POM121: variants seen among roughly 807,000 people sequenced by gnomAD.
The protein encoded by POM121 is nuclear envelope pore membrane protein POM 121.
In POM121, 32 loss-of-function variants were observed where a neutral mutation model predicts 81.3. The observed-to-expected ratio is 0.39, with a 90% CI of 0.30 to 0.53. The LOEUF is 0.53. Among genes scored for constraint, POM121 ranks in the 20% least tolerant of loss-of-function variants. POM121 has a pLI of 0.66. For missense variants in POM121, 1,138 were observed against 1,614.6 expected (o/e 0.70, Z 5.06); for synonymous variants, 514 against 694.2 (o/e 0.74, Z 4.08).
chr7:72,939,752 A>G (rs1796878653), intron 7 of POM121, 95 bp from the exon 8 acceptor site: 4 of 1,609,966 alleles, frequency 2.5e-6, no homozygotes, highest in Admixed American at 1.7e-5. Flanking sequence ...AGAGATACCC[A>G]TTGAAAACTC....
At chr7:72,918,047 T>G (rs1303877010) in intron 4 of POM121, among the ~76,000 whole-genome samples, 2 of 152,160 alleles carry the variant, frequency 1.3e-5, no homozygotes, top group Admixed American at 6.5e-5. Context: ...TTTTAGTACT[T>G]TCACTAATTT....
chr7:72,938,648 C>T lies in POM121; in HGVS notation c.1334C>T (p.Ser445Phe), dbSNP rs781843163. 5.6e-6 allele frequency: 9 copies of T among 1,613,746 alleles called. No individual in the cohort carries two copies. The Admixed American group carries it at 1.3e-4, about 24-fold the overall frequency. Residue 445 changes from serine (S) to phenylalanine (F), a missense_variant, in exon 6 of 13, where the codon TCC becomes TTC. Physicochemically the swap from Ser to Phe is radical, Grantham distance 155 (BLOSUM62 -2). Coordinates refer to ENST00000434423, the MANE Select transcript of POM121 (RefSeq NM_001387691.1). ...SPFSSPASSR[S>F]QTPERPAKKI... Reference sequence around the variant, plus strand: ...TTCTCTAGCCCAGCCTCCTCCCGCTCCCAGACACCGGAGAGGCCAGCAAAG... The same window carrying T: ...TTCTCTAGCCCAGCCTCCTCCCGCTTCCAGACACCGGAGAGGCCAGCAAAG...
Position 72,943,166 on chromosome 7 carries a change from G to C in POM121, c.3173G>C (p.Gly1058Ala), listed in dbSNP as rs781928098. ...CCCGCCAGCTCACAGCCCGCCTTTG[G>C]CGGCTCCACTGCTGTCTTCTTCGGT... is the stretch of plus-strand genomic sequence containing the variant. ...GAPASSQPAF[G>A]GSTAVFFGAA... Residue 1058 changes from glycine (G) to alanine (A), a missense_variant, in exon 11 of 13, where the codon GGC (glycine) becomes GCC (alanine). Around this residue, in one of 7 missense-constraint regions of POM121, gnomAD observed 336 missense variants for 344.3 expected, o/e 0.98. Transcript: ENST00000434423. 1.9e-6 allele frequency: 3 copies of C among 1,613,428 alleles called. No individual in the cohort carries two copies. Among genetic ancestry groups the C allele is most frequent in the Admixed American group, 3.3e-5 (2 of 60,008 alleles).
At chr7:72,888,160 G>A (rs528040145) in intron 1 of POM121, among the ~76,000 whole-genome samples, 68 of 152,184 alleles carry the variant, frequency 4.5e-4, no homozygotes, top group African/African-American at 1.6e-3. Flanking sequence ...CACCACACCT[G>A]GCCTGGATCC....
Position 72,943,266 on chromosome 7 carries a change from C to T in POM121, c.3273C>T (p.Ser1091=). The T allele has an allele frequency of 1.2e-6, 2 of 1,610,846 alleles. No homozygotes were observed. Among genetic ancestry groups the T allele is most frequent in the South Asian group, 1.1e-5 (1 of 90,774 alleles). Residue 1091 remains serine (S), a synonymous_variant, in exon 11 of 13, where the codon AGC becomes AGT. Transcript: ENST00000434423. ...GGAGCAGCAGCTCGGTGTTTGGCAGCACAACACCATCACCCTTCACGTTTG... is the reference window on the plus strand; with the variant it reads ...GGAGCAGCAGCTCGGTGTTTGGCAGTACAACACCATCACCCTTCACGTTTG... The part of the protein sequence containing the change: ...SSGSSSSVFG[S]TTPSPFTFGG...
At chr7:72,886,683 T>C (rs1446263703) in intron 1 of POM121, among the ~76,000 whole-genome samples, 7 of 152,138 alleles carry the variant, frequency 4.6e-5, no homozygotes, top group South Asian at 4.1e-4. Context: ...AAGGTGTTTT[T>C]GCTGGATTTT....
chr7:72,949,984 C>G, downstream of POM121: 1 of 1,597,848 alleles, frequency 6.3e-7, no homozygotes, highest in Non-Finnish European at 8.6e-7. Flanking sequence ...ACACAGGGGC[C>G]GGGTAAACAG....
chr7:72,888,103 A>G (rs1315579665), intron 1 of POM121, among the ~76,000 whole-genome samples: 2 of 152,076 alleles, frequency 1.3e-5, no homozygotes, highest in East Asian at 1.9e-4. Flanking sequence ...GCCTCAAGCA[A>G]TCCTTCTGCC....
At chr7:72,930,903 CT>C (rs1795954168) in intron 5 of POM121, among the ~76,000 whole-genome samples, 1 of 152,090 alleles carries the variant, frequency 6.6e-6, no homozygotes, top group Admixed American at 6.6e-5. Flanking sequence ...CATAACATCT[CT>C]TTTTCTTATC....
chr7:72,888,113 C>T (rs1554490338), intron 1 of POM121, among the ~76,000 whole-genome samples: 2 of 152,154 alleles, frequency 1.3e-5, no homozygotes, highest in Non-Finnish European at 2.9e-5. Flanking sequence ...ATCCTTCTGC[C>T]TCAGCTTTCC....
intron 3 of POM121, among the ~76,000 whole-genome samples, chr7:72,913,314 CTT>C (rs1343241241): frequency 2.0e-5 from 3 of 152,240 alleles, no homozygotes; most frequent in African/African-American, 7.2e-5. Context: ...TGTGCCGTCT[CTT>C]TATCCATAGC....
upstream of POM121, chr7:72,924,766 C>T (rs1795178680): frequency 4.0e-6 from 1 of 250,588 alleles, no homozygotes; most frequent in Non-Finnish European, 7.5e-6. Flanking sequence ...CCGCTAGTAG[C>T]GTTTGTGAAA....
chr7:72,931,123 A>G (rs1795977030), intron 5 of POM121, among the ~76,000 whole-genome samples: 1 of 152,178 alleles, frequency 6.6e-6, no homozygotes, highest in Non-Finnish European at 1.5e-5. Context: ...AATGACCGTA[A>G]TATCATTATC....
At chr7:72,894,285 T>G (rs1791629822) in intron 3 of POM121, among the ~76,000 whole-genome samples, 1 of 145,064 alleles carries the variant, frequency 6.9e-6, no homozygotes, top group African/African-American at 2.6e-5. Flanking sequence ...AATAAATAAA[T>G]AAAGACTCTA....
In POM121 at chr7:72,926,330, A is replaced by G. The variant is rs782200334; in HGVS notation, c.713A>G (p.Gln238Arg). ...AGACGCTATCCGATCCATCAGGCCC[A>G]GTATTCCTGTCTGGGGGTACTTCCC... is the stretch of plus-strand genomic sequence containing the variant. The part of the protein sequence containing the change: ...PRRRYPIHQA[Q>R]YSCLGVLPTV... The change falls in exon 2 of 13, where the codon CAG becomes CGG. Residue 238 changes from glutamine (Q) to arginine (R), a missense_variant. Physicochemically the swap from Gln to Arg is conservative, Grantham distance 43 (BLOSUM62 1). This residue lies in a region of POM121 where 646 missense variants were observed against 633.5 expected (regional missense o/e 1.02). Transcript: ENST00000434423. 14 of 1,611,498 alleles carry G rather than the reference A, an allele frequency of 8.7e-6. No individual in the cohort carries two copies. Among genetic ancestry groups the G allele is most frequent in the Admixed American group, 6.7e-5 (4 of 59,524 alleles).
At chr7:72,903,679 G>A (rs1554493021) in intron 3 of POM121, among the ~76,000 whole-genome samples, 1 of 151,752 alleles carries the variant, frequency 6.6e-6, no homozygotes, top group African/African-American at 2.4e-5. Flanking sequence ...AGCCAAAAAC[G>A]AGAAAAAAAA....
chr7:72,926,166 C>A lies in POM121; in HGVS notation c.645-96C>A, dbSNP rs1180032200. On this transcript the variant is annotated intron_variant, in intron 1 of 12. Transcript: ENST00000434423. ...TGTTGCTTAGAAAGAGACTTAAGTT[C>A]TTTGGAAAATGTCTGAACTGGTGGG... is the stretch of plus-strand genomic sequence containing the variant. 11 of 1,286,308 alleles carry A rather than the reference C, an allele frequency of 8.6e-6. No homozygotes were observed. The African/African-American group carries it at 1.3e-4, about 16-fold the overall frequency. The allele number at this position is 1,286,308 out of a possible 1,614,324, so 79.7% of individuals were successfully genotyped here.
downstream of POM121, chr7:72,949,188 G>A (rs1797915806): frequency 2.5e-6 from 3 of 1,211,392 alleles, 1 homozygote; most frequent in African/African-American, 4.5e-5. Context: ...GCTTCACAGA[G>A]GAGAACTTTT....
chr7:72,917,360 T>A (rs1455202032), intron 4 of POM121, among the ~76,000 whole-genome samples: 1 of 152,200 alleles, frequency 6.6e-6, no homozygotes, highest in Non-Finnish European at 1.5e-5. Context: ...ACCCTCGTAA[T>A]CAGGCCAAGG....
Sources: gnomAD v4.1 joint callset for allele counts (sites outside exome capture counted in the v4.1 genomes callset) on GRCh38, gnomAD v4.1.1 for gene constraint, gnomAD v4.1.1 regional missense constraint, MANE v1.5 for transcripts, NCBI Gene and HGNC (gene_info 2026-07-23, HGNC 2026-07-21) for gene names.